RNF138: variants seen among roughly 807,000 people sequenced by gnomAD.
The protein encoded by RNF138 is E3 ubiquitin-protein ligase RNF138.
Under a neutral mutation model 31.0 loss-of-function variants are expected in RNF138, and 12 were observed. That is an observed-to-expected ratio of 0.39 (90% CI 0.25 to 0.63). The LOEUF is 0.63. Ranked by LOEUF, RNF138 falls within the 20% of genes least tolerant of loss-of-function variation. The pLI is 0.52. For missense variants in RNF138, 192 were observed against 300.1 expected (o/e 0.64, Z 2.66); for synonymous variants, 105 against 99.5 (o/e 1.06, Z -0.33).
chr18:32,099,740 A>G (rs1026932719), intron 2 of RNF138, among the ~76,000 whole-genome samples: 8 of 152,214 alleles, frequency 5.3e-5, no homozygotes, highest in African/African-American at 1.7e-4. Context: ...TTGTAATCAT[A>G]ACATTTTTGG....
At chr18:32,111,440 T>C (rs947490618) in intron 2 of RNF138, among the ~76,000 whole-genome samples, 1 of 152,190 alleles carries the variant, frequency 6.6e-6, no homozygotes, top group African/African-American at 2.4e-5. Context: ...CAGGATCCGG[T>C]TTTTCCTTTG....
chr18:32,121,521 A>G (rs2040305867), intron 4 of RNF138, among the ~76,000 whole-genome samples: 1 of 152,092 alleles, frequency 6.6e-6, no homozygotes, highest in African/African-American at 2.4e-5. Flanking sequence ...TTTTAATCCT[A>G]TTTTCTAAAT....
At chr18:32,092,675 C>G in intron 1 of RNF138, 25 bp from the exon 2 acceptor site, 2 of 716,190 alleles carry the variant, frequency 2.8e-6, no homozygotes, top group South Asian at 3.1e-5. Flanking sequence ...GATGCGATCC[C>G]CCTCCCCCCT....
At chr18:32,095,298 T>G (rs2039784934) in intron 2 of RNF138, among the ~76,000 whole-genome samples, 1 of 152,108 alleles carries the variant, frequency 6.6e-6, no homozygotes, top group Non-Finnish European at 1.5e-5. Context: ...GCCTCTCAAG[T>G]TGCTGGGACT....
chr18:32,103,347 C>A (rs1568228111), intron 2 of RNF138, among the ~76,000 whole-genome samples: 1 of 151,780 alleles, frequency 6.6e-6, no homozygotes, highest in Non-Finnish European at 1.5e-5. Flanking sequence ...CACCACCATA[C>A]CTCACTAATT....
At chr18:32,106,434 A>G (rs984189923) in intron 2 of RNF138, among the ~76,000 whole-genome samples, 1 of 152,062 alleles carries the variant, frequency 6.6e-6, no homozygotes, top group African/African-American at 2.4e-5. Flanking sequence ...TCTATTTGTC[A>G]TTTGTTATTG....
At chr18:32,099,702 G>A (rs1431382450) in intron 2 of RNF138, among the ~76,000 whole-genome samples, 1 of 152,106 alleles carries the variant, frequency 6.6e-6, no homozygotes, top group South Asian at 2.1e-4. Context: ...CACTGCACCC[G>A]GCCATTCTTT....
chr18:32,107,170 G>GAGTGCA (rs1311884455), intron 2 of RNF138, among the ~76,000 whole-genome samples: 1 of 141,438 alleles, frequency 7.1e-6, no homozygotes, highest in Non-Finnish European at 1.5e-5. Flanking sequence ...ACCCAGGCTG[G>GAGTGCA]AGTGCAGTGG....
chr18:32,114,721 AG>A (rs2040187133), intron 4 of RNF138, among the ~76,000 whole-genome samples: 1 of 152,254 alleles, frequency 6.6e-6, no homozygotes, highest in Non-Finnish European at 1.5e-5. Flanking sequence ...TATTATAGAA[AG>A]GTTCCCAGGA....
intron 1 of RNF138, 165 bp from the exon 2 acceptor site, chr18:32,092,535 C>A: frequency 2.0e-6 from 1 of 503,066 alleles, no homozygotes; most frequent in Non-Finnish European, 3.5e-6. Flanking sequence ...GCACCGTCCC[C>A]CATCCAGCCC....
chr18:32,122,478 T>G (rs1210713122), intron 4 of RNF138: 1 of 67,510 alleles, frequency 1.5e-5, no homozygotes, highest in South Asian at 5.1e-4. Flanking sequence ...CCACTACTTA[T>G]CTTATTACTG....
Position 32,113,740 on chromosome 18 carries a change from T to C in RNF138, c.277-5T>C, listed in dbSNP as rs1244386150. The C allele has an allele frequency of 3.2e-6, 4 of 1,248,284 alleles. No homozygotes were observed. Among genetic ancestry groups the C allele is most frequent in the East Asian group, 5.2e-5 (2 of 38,618 alleles). 77.3% of individuals were successfully genotyped at this position (1,248,284 alleles called of 1,614,324 possible). On this transcript the variant is annotated splice_polypyrimidine_tract_variant and splice_region_variant and intron_variant, in intron 3 of 7. Transcript: ENST00000261593. Reference sequence around the variant, plus strand: ...AATTAAAAGTCACATTTTAATAATTTACAGATTAAATTCTATCGCATGAGA... The same window carrying C: ...AATTAAAAGTCACATTTTAATAATTCACAGATTAAATTCTATCGCATGAGA...
At chr18:32,103,170 A>G (rs146176215) in intron 2 of RNF138, among the ~76,000 whole-genome samples, 21 of 151,984 alleles carry the variant, frequency 1.4e-4, no homozygotes, top group Admixed American at 5.2e-4. Context: ...TTCATTCAGC[A>G]TTTGTTTATT....
chr18:32,093,951 T>C (rs1164737609), intron 2 of RNF138, among the ~76,000 whole-genome samples: 1 of 152,120 alleles, frequency 6.6e-6, no homozygotes, highest in Non-Finnish European at 1.5e-5. Flanking sequence ...TCTTTATTTA[T>C]TTATTTATTG....
chr18:32,097,517 T>A (rs979315524), intron 2 of RNF138, among the ~76,000 whole-genome samples: 2 of 152,114 alleles, frequency 1.3e-5, no homozygotes, highest in Non-Finnish European at 2.9e-5. Context: ...AGACCGAGTC[T>A]CTGTTGCCCA....
chr18:32,103,711 C>T (rs2144579495), intron 2 of RNF138, among the ~76,000 whole-genome samples: 1 of 152,220 alleles, frequency 6.6e-6, no homozygotes, highest in African/African-American at 2.4e-5. Context: ...CGCCTGTAAT[C>T]CCAGCACTTT....
chr18:32,107,813 G>T (rs1227616131), intron 2 of RNF138, among the ~76,000 whole-genome samples: 4 of 151,766 alleles, frequency 2.6e-5, no homozygotes, highest in African/African-American at 9.7e-5. Context: ...CACTGTGCCG[G>T]CCTTATTTAA....
At chr18:32,113,600 T>C in intron 3 of RNF138, 145 bp from the exon 4 acceptor site, 1 of 496,684 alleles carries the variant, frequency 2.0e-6, no homozygotes, top group Non-Finnish European at 3.5e-6. Context: ...TAACTCCTAC[T>C]TAAGGATGAA....
intron 3 of RNF138, 70 bp from the exon 4 acceptor site, chr18:32,113,675 C>T (rs1210388659): frequency 5.8e-5 from 37 of 640,622 alleles, no homozygotes; most frequent in South Asian, 2.3e-4. Context: ...TTATTTTTTC[C>T]TCTCTTTACA....
Sources: allele counts gnomAD v4.1 joint callset (sites outside exome capture counted in the v4.1 genomes callset), GRCh38; gene constraint gnomAD v4.1.1; transcripts MANE v1.5; gene names NCBI Gene and HGNC (gene_info 2026-07-23, HGNC 2026-07-21).